Variants in TARBP1 observed in about 807,000 individuals in gnomAD.
TARBP1 encodes the protein tRNA guanosine 2 -O-methyltransferase TARBP1.
A neutral mutation model predicts 178.6 loss-of-function variants in TARBP1; 144 were observed. The observed-to-expected ratio is 0.81, with a 90% CI of 0.70 to 0.93. The LOEUF (loss-of-function observed/expected upper bound fraction) is 0.93, where lower values mean the gene tolerates loss of function less well. Ranked by LOEUF, TARBP1 falls within the 40% of genes least tolerant of loss-of-function variation. The pLI is 0.00. For synonymous variants in TARBP1, 787 were observed against 781.0 expected (o/e 1.01, Z -0.13); for missense variants, 2,067 against 2,011.7 (o/e 1.03, Z -0.53).
At chr1:234,430,717 TAA>T (rs11300351) in intron 14 of TARBP1, among the ~76,000 whole-genome samples, 4 of 149,770 alleles carry the variant, frequency 2.7e-5, no homozygotes, top group East Asian at 1.9e-4. Flanking sequence ...TGAAACATGT[TAA>T]AAAAAAAAAT....
rs1352046699 is a variant in TARBP1 at position 234,471,264 on chromosome 1, A to G, written c.1030-7T>C. The G allele has an allele frequency of 1.3e-6, 2 of 1,554,154 alleles. No homozygotes were observed. The highest frequency in any genetic ancestry group is 8.7e-7 in the Non-Finnish European group (1 of 1,144,136). On this transcript the variant is annotated splice_region_variant and splice_polypyrimidine_tract_variant and intron_variant, in intron 2 of 29. Coordinates refer to ENST00000040877, the MANE Select transcript of TARBP1 (RefSeq NM_005646.4). ...CTGGCTTTATAACATGTATCTAAAA[A>G]TAAGAGCAAAAAAATCATATGAAAT...
At chr1:234,449,306 CT>C (rs1329183084) in intron 10 of TARBP1, among the ~76,000 whole-genome samples, 1 of 152,130 alleles carries the variant, frequency 6.6e-6, no homozygotes, top group African/African-American at 2.4e-5. Context: ...GGAAAAATGT[CT>C]AAAATCAAAA....
Position 234,450,484 on chromosome 1 carries a change from A to G in TARBP1, c.1805T>C (p.Leu602Ser). 6.2e-7 allele frequency: 1 copy of G among 1,611,246 alleles called. No homozygotes were observed. Among genetic ancestry groups the G allele is most frequent in the Non-Finnish European group, 8.5e-7 (1 of 1,178,960 alleles). ...CSSIGLHKTS[L>S]NAYVKSIVQE... The stretch of plus-strand genomic sequence containing the variant: ...AACAATGCTCTTTACATAAGCATTT[A>G]AAGATGTCTTGTGAAGTCCAATGGA... The change falls in exon 10 of 30, where the codon TTA (leucine) becomes TCA (serine). Residue 602 changes from leucine (L) to serine (S), a missense_variant. Transcript: ENST00000040877.
intron 20 of TARBP1, among the ~76,000 whole-genome samples, chr1:234,424,900 A>G (rs1663534147): frequency 6.6e-6 from 1 of 152,124 alleles, no homozygotes; most frequent in African/African-American, 2.4e-5. Context: ...CGTCTCTACT[A>G]AAAATACAAA....
intron 1 of TARBP1, among the ~76,000 whole-genome samples, chr1:234,476,709 A>T (rs1331596969): frequency 6.6e-6 from 1 of 152,238 alleles, no homozygotes; most frequent in African/African-American, 2.4e-5. Context: ...TAAATGCTGA[A>T]CACACATTTA....
chr1:234,433,501 A>C lies in TARBP1; in HGVS notation c.2303T>G (p.Val768Gly), dbSNP rs755010320. ...LTELINLHLK[V>G]GWKRGNPIWR... The stretch of plus-strand genomic sequence containing the variant: ...GATAGGGTTACCCCTTTTCCACCCA[A>C]CCTTCAAATGCAGATTTATAAGCTC... Residue 768 changes from valine (V) to glycine (G), a missense_variant, in exon 14 of 30, where the codon GTT (valine) becomes GGT (glycine). Physicochemically the swap from Val to Gly is moderately radical, Grantham distance 109. Transcript: ENST00000040877. 6.2e-7 allele frequency: 1 copy of C among 1,614,080 alleles called. No individual in the cohort carries two copies. Among genetic ancestry groups the C allele is most frequent in the South Asian group, 1.1e-5 (1 of 91,082 alleles).
chr1:234,402,425 T>C (rs1660771172), intron 24 of TARBP1, among the ~76,000 whole-genome samples: 1 of 152,248 alleles, frequency 6.6e-6, no homozygotes. Context: ...TGACTCTGTC[T>C]CACCTTCATC....
At chr1:234,436,800 A>C (rs997903057) in intron 13 of TARBP1, among the ~76,000 whole-genome samples, 4 of 152,196 alleles carry the variant, frequency 2.6e-5, no homozygotes, top group Non-Finnish European at 4.4e-5. Context: ...GTCCCAAAAG[A>C]ACAAATTATG....
intron 15 of TARBP1, 146 bp downstream of exon 15, chr1:234,429,939 AAC>A (rs1350865694): frequency 1.1e-6 from 1 of 897,042 alleles, no homozygotes; most frequent in Non-Finnish European, 1.7e-6. Flanking sequence ...AGTCTCCAGT[AAC>A]AGAGATGAAT....
At chr1:234,452,895 C>T (rs1240567500) in intron 9 of TARBP1, among the ~76,000 whole-genome samples, 1 of 151,714 alleles carries the variant, frequency 6.6e-6, no homozygotes, top group Non-Finnish European at 1.5e-5. Context: ...AAAAAATGAG[C>T]TATCAAGCCA....
At chr1:234,441,820 T>A (rs916101245) in intron 12 of TARBP1, among the ~76,000 whole-genome samples, 2 of 152,228 alleles carry the variant, frequency 1.3e-5, no homozygotes, top group African/African-American at 4.8e-5. Flanking sequence ...TGGTCTTTAG[T>A]GATCACCTTT....
rs1292854767 is a variant in TARBP1 at position 234,410,439 on chromosome 1, A to C, written c.3792+6T>G. 6.9e-7 allele frequency: 1 copy of C among 1,442,064 alleles called. No homozygotes were observed. Among genetic ancestry groups the C allele is most frequent in the Admixed American group, 2.1e-5 (1 of 47,208 alleles). 89.3% of individuals were successfully genotyped at this position (1,442,064 alleles called of 1,614,324 possible). On this transcript the variant is annotated splice_donor_region_variant and intron_variant, in intron 23 of 29. Coordinates refer to ENST00000040877, the MANE Select transcript of TARBP1 (RefSeq NM_005646.4). ...GTCAAGTTTAAATTCTTACAAACAAACTTACCTTTTCTGGAATATTTTGAG... is the reference window on the plus strand; with the variant it reads ...GTCAAGTTTAAATTCTTACAAACAACCTTACCTTTTCTGGAATATTTTGAG...
At position 234,459,231 on chromosome 1, in the gene TARBP1, A is replaced by G. The variant is rs1316098249; in HGVS notation, c.1631T>C (p.Val544Ala). 1.9e-6 allele frequency: 3 copies of G among 1,606,022 alleles called. No homozygotes were observed. Among genetic ancestry groups the G allele is most frequent in the Admixed American group, 1.7e-5 (1 of 57,670 alleles). ...LLQTAMNLLD[V>A]EKVSLSDVST... ...GGAAGTAACAAAAGAAAAACTTACC[A>G]CATCTAGCAAATTCATAGCTGTTTG... The change falls in exon 8 of 30, where the codon GTG (valine) becomes GCG (alanine). Residue 544 changes from valine (V) to alanine (A), a missense_variant and splice_region_variant. Transcript: ENST00000040877.
At chr1:234,453,010 C>T (rs1340842052) in intron 9 of TARBP1, among the ~76,000 whole-genome samples, 1 of 151,970 alleles carries the variant, frequency 6.6e-6, no homozygotes, top group African/African-American at 2.4e-5. Context: ...ATGGAAAAGA[C>T]AAAACTATAG....
chr1:234,452,877 TA>T (rs34827804), intron 9 of TARBP1, among the ~76,000 whole-genome samples: 44,835 of 143,254 alleles, frequency 0.31, 6,757 homozygotes, highest in Admixed American at 0.42. Context: ...TAGTAAGCAC[TA>T]AAAAAAAAAA....
Position 234,425,794 on chromosome 1 carries a change from C to T in TARBP1, c.3324-1G>A, listed in dbSNP as rs200235714. ...CACATAATGGTCTTCTCTCTTAGTA[C>T]TAAAAAAATTAAATGATAAATTATG... is the stretch of plus-strand genomic sequence containing the variant. On this transcript the variant is annotated splice_acceptor_variant, in intron 19 of 29. Transcript: ENST00000040877. LOFTEE classifies it high-confidence loss of function. 69 of 1,544,104 alleles carry T rather than the reference C, an allele frequency of 4.5e-5. No individual in the cohort carries two copies. In the East Asian group the frequency reaches 1.5e-3, roughly 34 times the overall value.
chr1:234,436,771 G>A (rs536983863), intron 13 of TARBP1, among the ~76,000 whole-genome samples: 1 of 152,154 alleles, frequency 6.6e-6, no homozygotes, highest in Non-Finnish European at 1.5e-5. Flanking sequence ...ATTCTTTAAG[G>A]GGAAAAGCTT....
rs375051789 is a variant in TARBP1, at chr1:234,391,717, G to C, written c.4726C>G (p.Leu1576Val). ...ACACAAACGTCCAACTGTTGGATCA[G>C]ATTTGCTGGAATTCCCTCACGTTCA... ...GNEREGIPAN[L>V]IQQLDVCVEI... The change falls in exon 30 of 30, where the codon CTG becomes GTG. Residue 1576 changes from leucine to valine, a missense_variant. Coordinates refer to ENST00000040877, the MANE Select transcript of TARBP1 (RefSeq NM_005646.4). 1.1e-5 allele frequency: 17 copies of C among 1,613,454 alleles called. No homozygotes were observed. The highest frequency in any genetic ancestry group is 1.4e-5 in the Non-Finnish European group (17 of 1,179,888).
chr1:234,393,482 C>G lies in TARBP1; in HGVS notation c.4440G>C (p.Leu1480=). 3 of 1,585,144 alleles carry G rather than the reference C, an allele frequency of 1.9e-6. No homozygotes were observed. The highest frequency in any genetic ancestry group is 2.6e-6 in the Non-Finnish European group (3 of 1,165,292). Residue 1480 remains leucine (L), a synonymous_variant, in exon 28 of 30, where the codon CTG becomes CTC. Coordinates refer to ENST00000040877, the MANE Select transcript of TARBP1 (RefSeq NM_005646.4). ...LIDKPTNLGG[L]CRTCEVFGAS... Reference sequence around the variant, plus strand: ...CCCCAAATACCTCACAGGTCCTGCACAGTCCTGCACAGAACACCTGGGATC... The same window carrying G: ...CCCCAAATACCTCACAGGTCCTGCAGAGTCCTGCACAGAACACCTGGGATC...
Sources: allele counts gnomAD v4.1 joint callset (sites outside exome capture counted in the v4.1 genomes callset), GRCh38; gene constraint gnomAD v4.1.1; transcripts MANE v1.5; gene names NCBI Gene and HGNC (gene_info 2026-07-23, HGNC 2026-07-21).